Variants in WASF2 observed in about 807,000 individuals in gnomAD.
WASF2 encodes WASP family member 2.
In WASF2, 14 loss-of-function variants were observed where a neutral mutation model predicts 45.0. The ratio of observed to expected loss-of-function variants is 0.31; its 90% CI spans 0.21 to 0.49. WASF2 has a LOEUF of 0.49. WASF2 is among the 20% of genes least tolerant of loss of function. The pLI, the probability that WASF2 is intolerant of heterozygous loss-of-function variation, is 0.99. For missense variants in WASF2, 439 were observed against 636.1 expected (o/e 0.69, Z 3.33); for synonymous variants, 200 against 236.3 (o/e 0.85, Z 1.41).
In WASF2 at chr1:27,410,225, A is replaced by G. The variant is rs1557594911; in HGVS notation, c.825-19T>C. The G allele has an allele frequency of 1.2e-6, 2 of 1,613,864 alleles. No individual in the cohort carries two copies. The highest frequency in any genetic ancestry group is 1.7e-6 in the Non-Finnish European group (2 of 1,179,906). ...TGGGTAACTAAAAGGCCAAAGAAAA[A>G]AAGACTCACCATCACCCTTAGAATG... On this transcript the variant is annotated intron_variant, in intron 7 of 8. Coordinates refer to ENST00000618852, the MANE Select transcript of WASF2 (RefSeq NM_006990.5). The surrounding 1 kb of genome is among the most constrained non-coding windows in gnomAD (Gnocchi z 4.2).
intron 2 of WASF2, among the ~76,000 whole-genome samples, chr1:27,427,264 G>C (rs1388825681): frequency 6.6e-6 from 1 of 152,180 alleles, no homozygotes; most frequent in Non-Finnish European, 1.5e-5. Context: ...AAGTGGGAGT[G>C]TGAGCAATGG....
At chr1:27,460,302 G>A (rs6668823) in intron 1 of WASF2, among the ~76,000 whole-genome samples, 124,724 of 152,022 alleles carry the variant, frequency 0.82, 52,241 homozygotes, top group Admixed American at 0.91. Context: ...GTTTGACAAA[G>A]AATATTTCCT....
At chr1:27,463,726 C>G (rs891220144) in intron 1 of WASF2, among the ~76,000 whole-genome samples, 3 of 150,362 alleles carry the variant, frequency 2.0e-5, no homozygotes, top group Admixed American at 6.7e-5. Flanking sequence ...TCTGGACAGA[C>G]AACTTGAATC....
intron 1 of WASF2, among the ~76,000 whole-genome samples, chr1:27,477,974 G>A (rs1333002178): frequency 1.3e-5 from 2 of 151,144 alleles, no homozygotes; most frequent in South Asian, 4.2e-4. Flanking sequence ...GAGGCAGGCC[G>A]GGTGTAGTGG....
chr1:27,413,273 A>G (rs971017304), intron 6 of WASF2, among the ~76,000 whole-genome samples: 11 of 152,194 alleles, frequency 7.2e-5, no homozygotes, highest in African/African-American at 2.7e-4. Flanking sequence ...GTCTCTTATC[A>G]AACCAAATGA....
chr1:27,464,720 ATATT>A lies in WASF2; in HGVS notation c.-44+25262_-44+25265del, dbSNP rs371011640. On this transcript the variant is annotated intron_variant, in intron 1 of 8. Transcript: ENST00000618852. ...TTAGAAGCACTTCCAGCTTACTTTT[ATATT>A]TATTTATTTGTTTATTCATTTTGAG... Among the ~76,000 whole-genome samples the A allele has an allele frequency of 1.5e-4, 23 of 152,174 alleles. No individual in the cohort carries two copies. The South Asian group carries it at 4.2e-3, about 27-fold the overall frequency.
chr1:27,443,239 G>A (rs2017266045), intron 1 of WASF2, among the ~76,000 whole-genome samples: 1 of 146,876 alleles, frequency 6.8e-6, no homozygotes, highest in Admixed American at 7.0e-5. Flanking sequence ...GGGAGGCTGA[G>A]GTGAAAGCAT....
At chr1:27,474,213 A>AG (rs2017733964) in intron 1 of WASF2, among the ~76,000 whole-genome samples, 1 of 152,190 alleles carries the variant, frequency 6.6e-6, no homozygotes, top group African/African-American at 2.4e-5. Flanking sequence ...GATACATAGG[A>AG]GTTCATTACA....
chr1:27,457,096 T>C (rs2148128783), intron 1 of WASF2: 1 of 152,028 alleles, frequency 6.6e-6, no homozygotes, highest in African/African-American at 2.4e-5. Context: ...TAGGCTGATC[T>C]TGAACTCCTG....
intron 1 of WASF2, among the ~76,000 whole-genome samples, chr1:27,442,110 T>A (rs1557607082): frequency 6.9e-6 from 1 of 144,438 alleles, no homozygotes; most frequent in African/African-American, 2.6e-5. Context: ...ACTTCATCTC[T>A]AAAAAAAAAA....
At chr1:27,412,005 C>T (rs1347948817) in intron 7 of WASF2, among the ~76,000 whole-genome samples, 3 of 152,234 alleles carry the variant, frequency 2.0e-5, no homozygotes, top group African/African-American at 7.2e-5. Context: ...CAGGGCTCTG[C>T]CCTTACTGGC....
chr1:27,458,131 G>C (rs923095557), intron 1 of WASF2, among the ~76,000 whole-genome samples: 1 of 151,420 alleles, frequency 6.6e-6, no homozygotes, highest in South Asian at 2.1e-4. Context: ...GTAACACAGC[G>C]AAACTCTGTC....
At chr1:27,441,753 CAAAAAAAAAA>C (rs35347075) in intron 1 of WASF2, among the ~76,000 whole-genome samples, 2 of 51,718 alleles carry the variant, frequency 3.9e-5, no homozygotes, top group South Asian at 7.9e-4. Context: ...GACTCCGTCT[CAAAAAAAAAA>C]AAAAAAAAAA....
chr1:27,458,154 C>CA (rs934461227), intron 1 of WASF2, among the ~76,000 whole-genome samples: 14 of 149,930 alleles, frequency 9.3e-5, no homozygotes, highest in Admixed American at 4.7e-4. Flanking sequence ...TACTAAAATA[C>CA]AAAAAAAAAT....
In WASF2 at chr1:27,405,333, A is replaced by G. The variant is rs2016652660; in HGVS notation, c.*2856T>C. On this transcript the variant is annotated 3_prime_UTR_variant, in exon 9 of 9. Coordinates refer to ENST00000618852, the MANE Select transcript of WASF2 (RefSeq NM_006990.5). The stretch of plus-strand genomic sequence containing the variant: ...CCCATCTCACAACCAAGGCAAAGCC[A>G]CAAGTTGCTTCTGACACTATTGGAA... 2 of 152,282 alleles carry G rather than the reference A, an allele frequency of 1.3e-5. No individual in the cohort carries two copies. The highest frequency in any genetic ancestry group is 6.5e-5 in the Admixed American group (1 of 15,282). 9.4% of individuals were successfully genotyped at this position (152,282 alleles called of 1,614,324 possible).
At chr1:27,468,324 A>G (rs1437111264) in intron 1 of WASF2, among the ~76,000 whole-genome samples, 2 of 152,030 alleles carry the variant, frequency 1.3e-5, no homozygotes, top group South Asian at 2.1e-4. Context: ...AACAGCAGCA[A>G]TAACAAAAAA....
chr1:27,423,748 GTT>G (rs2016939000), intron 2 of WASF2, among the ~76,000 whole-genome samples: 1 of 149,918 alleles, frequency 6.7e-6, no homozygotes, highest in African/African-American at 2.4e-5. Context: ...CTTCAATTTT[GTT>G]TTTTCCTTAG....
At chr1:27,435,290 TAAA>T (rs2148115445) in intron 1 of WASF2, among the ~76,000 whole-genome samples, 1 of 5,320 alleles carries the variant, frequency 1.9e-4, no homozygotes, top group Non-Finnish European at 7.5e-4. Flanking sequence ...AGTATAAAGT[TAAA>T]AAGAGACTCG....
At chr1:27,447,763 TA>T (rs1191523367) in intron 1 of WASF2, among the ~76,000 whole-genome samples, 1 of 152,122 alleles carries the variant, frequency 6.6e-6, no homozygotes, top group Non-Finnish European at 1.5e-5. Flanking sequence ...ATTTCATAGG[TA>T]AAAGGTACAC....
Sources: gnomAD v4.1 joint callset for allele counts (sites outside exome capture counted in the v4.1 genomes callset) on GRCh38, gnomAD v4.1.1 for gene constraint, Gnocchi (gnomAD v3.1) non-coding constraint, MANE v1.5 for transcripts, NCBI Gene and HGNC (gene_info 2026-07-23, HGNC 2026-07-21) for gene names.